The following BEST3 variants were observed in gnomAD, a reference collection of about 807,000 sequenced individuals.
BEST3 encodes bestrophin-3.
In BEST3, 50 loss-of-function variants were observed where a neutral mutation model predicts 47.1. The ratio of observed to expected loss-of-function variants is 1.06; its 90% CI spans 0.85 to 1.34. BEST3 has a LOEUF of 1.34. Among genes scored for constraint, BEST3 ranks in the 40% most tolerant of loss-of-function variants. The pLI is 0.00. For missense variants in BEST3, 765 were observed against 817.0 expected, an observed-to-expected ratio of 0.94 and a Z score of 0.78; for synonymous variants, 282 against 298.8, an observed-to-expected ratio of 0.94 and a Z score of 0.58.
chr12:69,663,189 G>C (rs1593144867), intron 9 of BEST3, among the ~76,000 whole-genome samples: 1 of 152,184 alleles, frequency 6.6e-6, no homozygotes. Context: ...TAAGAATTTT[G>C]AAGTGACTTA....
At chr12:69,693,010 G>T (rs1358188323) in intron 4 of BEST3, among the ~76,000 whole-genome samples, 1 of 152,052 alleles carries the variant, frequency 6.6e-6, no homozygotes, top group African/African-American at 2.4e-5. Flanking sequence ...TGATCCACCC[G>T]CCTGGGCCTT....
intron 4 of BEST3, among the ~76,000 whole-genome samples, chr12:69,685,344 G>T (rs566226088): frequency 6.6e-6 from 1 of 152,136 alleles, no homozygotes; most frequent in Admixed American, 6.6e-5. Context: ...ATCCTCATCT[G>T]CACAGTGGCC....
intron 4 of BEST3, among the ~76,000 whole-genome samples, chr12:69,679,914 C>CGT (rs35274840): frequency 0.12 from 17,678 of 149,940 alleles, 2,352 homozygotes; most frequent in African/African-American, 0.33. Flanking sequence ...TGTATGCATG[C>CGT]GTGTGTGTGT....
intron 2 of BEST3, among the ~76,000 whole-genome samples, chr12:69,695,955 T>A (rs1192472797): frequency 6.6e-6 from 1 of 152,158 alleles, no homozygotes; most frequent in Non-Finnish European, 1.5e-5. Flanking sequence ...AGAAATTATT[T>A]TGTCAAATTC....
At chr12:69,679,599 G>A (rs545721692) in intron 4 of BEST3, among the ~76,000 whole-genome samples, 2 of 152,300 alleles carry the variant, frequency 1.3e-5, no homozygotes, top group East Asian at 3.9e-4. Flanking sequence ...AGTGGCTCAC[G>A]CCCTTAATCC....
chr12:69,684,342 T>C, intron 4 of BEST3: 1 of 421,818 alleles, frequency 2.4e-6, no homozygotes, highest in Non-Finnish European at 4.2e-6. Flanking sequence ...AATTGAGTTG[T>C]GGTTTGATGG....
chr12:69,661,003 T>A (rs1170851092), intron 9 of BEST3: 2 of 152,208 alleles, frequency 1.3e-5, no homozygotes, highest in Non-Finnish European at 2.9e-5. Context: ...CTTTAAAAGA[T>A]GCTTGGGCTG....
intron 2 of BEST3, among the ~76,000 whole-genome samples, chr12:69,695,266 G>A (rs1292121264): frequency 6.6e-6 from 1 of 152,188 alleles, no homozygotes; most frequent in African/African-American, 2.4e-5. Context: ...AAATCGACGA[G>A]TGTAGCTGTT....
intron 3 of BEST3, 41 bp downstream of exon 3, chr12:69,694,329 G>A: frequency 7.7e-7 from 1 of 1,292,072 alleles, no homozygotes; most frequent in South Asian, 1.3e-5. Context: ...TCCTAACGGA[G>A]ACAGCTATGT....
chr12:69,693,977 C>A, intron 3 of BEST3, 70 bp from the exon 4 acceptor site: 1 of 1,205,768 alleles, frequency 8.3e-7, no homozygotes, highest in Non-Finnish European at 1.2e-6. Context: ...ATGCTTTTAG[C>A]TGAATTTTAG....
rs539307034 is a variant in BEST3 at position 69,678,707 on chromosome 12, C to T, written c.636+32G>A. The T allele has an allele frequency of 9.2e-5, 147 of 1,603,390 alleles. No individual in the cohort carries two copies. The East Asian group carries it at 1.0e-3, about 11-fold the overall frequency. On this transcript the variant is annotated intron_variant, in intron 5 of 9. Transcript: ENST00000330891. ...CAGGTCCTTCTTGGTCTCTAATTAGCGTATTTTTCTTATGATTTATGATAT... is the reference window on the plus strand; with the variant it reads ...CAGGTCCTTCTTGGTCTCTAATTAGTGTATTTTTCTTATGATTTATGATAT...
In BEST3 at chr12:69,654,188, T is replaced by G. The variant is rs1883317496; in HGVS notation, c.*719A>C. 1 of 985,008 alleles carries G rather than the reference T, an allele frequency of 1.0e-6. No homozygotes were observed. The highest frequency in any genetic ancestry group is 6.2e-5 in the Admixed American group (1 of 16,246). The allele number at this position is 985,008 out of a possible 1,614,324, so 61.0% of individuals were successfully genotyped here. On this transcript the variant is annotated 3_prime_UTR_variant, in exon 10 of 10. Coordinates refer to ENST00000330891, the MANE Select transcript of BEST3 (RefSeq NM_032735.3). Reference sequence around the variant, plus strand: ...CATGGCAAGACATAAGCAACAGATTTGGCAAGAGGAAATATTATAACCTGA... The same window carrying G: ...CATGGCAAGACATAAGCAACAGATTGGGCAAGAGGAAATATTATAACCTGA...
At position 69,654,384 on chromosome 12, in the gene BEST3, T is replaced by C. The variant is rs1883327129; in HGVS notation, c.*523A>G. The C allele has an allele frequency of 5.1e-6, 5 of 985,272 alleles. No individual in the cohort carries two copies. The South Asian group carries it at 2.3e-4, about 46-fold the overall frequency. 61.0% of individuals were successfully genotyped at this position (985,272 alleles called of 1,614,324 possible). A position where few individuals can be genotyped will look rare whatever the true frequency, so the allele number is the denominator to read the frequency against. On this transcript the variant is annotated 3_prime_UTR_variant, in exon 10 of 10. Coordinates refer to ENST00000330891, the MANE Select transcript of BEST3 (RefSeq NM_032735.3). ...CAGGAAGTGATAATAACAATAATAGTTATAAAAGTAGGAATGAGATGGTTA... is the reference window on the plus strand; with the variant it reads ...CAGGAAGTGATAATAACAATAATAGCTATAAAAGTAGGAATGAGATGGTTA...
intron 4 of BEST3, among the ~76,000 whole-genome samples, chr12:69,688,448 AC>A (rs1885762526): frequency 6.6e-6 from 1 of 152,332 alleles, no homozygotes; most frequent in Non-Finnish European, 1.5e-5. Context: ...AGAAACAAAA[AC>A]TTTTTTATTT....
chr12:69,675,107 T>A (rs1884825294), intron 7 of BEST3, among the ~76,000 whole-genome samples: 1 of 151,458 alleles, frequency 6.6e-6, no homozygotes, highest in South Asian at 2.1e-4. Flanking sequence ...CCTTTTAATA[T>A]TTTGTCTTTT....
chr12:69,671,928 C>T (rs546950769), intron 8 of BEST3, among the ~76,000 whole-genome samples: 1 of 152,334 alleles, frequency 6.6e-6, no homozygotes, highest in African/African-American at 2.4e-5. Context: ...ATAGCACCTA[C>T]TTAACCCCAA....
intron 4 of BEST3, chr12:69,684,478 C>T: frequency 1.8e-6 from 1 of 551,828 alleles, no homozygotes; most frequent in Non-Finnish European, 3.5e-6. Flanking sequence ...CTCTATTTTT[C>T]CTTGATTGAA....
At chr12:69,651,243 C>T (rs1883199781), downstream of BEST3, among the ~76,000 whole-genome samples, 1 of 152,206 alleles carries the variant, frequency 6.6e-6, no homozygotes, top group African/African-American at 2.4e-5. Flanking sequence ...GCCATCCATA[C>T]AGTGCTGCTG....
At chr12:69,686,484 A>T (rs1885594180) in intron 4 of BEST3, among the ~76,000 whole-genome samples, 1 of 152,146 alleles carries the variant, frequency 6.6e-6, no homozygotes, top group Non-Finnish European at 1.5e-5. Context: ...AGATAAAAGA[A>T]AATATGCTGG....
Sources: gnomAD v4.1 joint callset for allele counts (sites outside exome capture counted in the v4.1 genomes callset) on GRCh38, gnomAD v4.1.1 for gene constraint, MANE v1.5 for transcripts, NCBI Gene and HGNC (gene_info 2026-07-23, HGNC 2026-07-21) for gene names.